Variants in PDE4D observed in about 807,000 individuals in gnomAD.
PDE4D encodes the protein 3',5'-cyclic-AMP phosphodiesterase 4D.
PDE4D carries 24 observed loss-of-function variants against 87.4 expected under a neutral mutation model. That is an observed-to-expected ratio of 0.27 (90% confidence interval 0.20 to 0.39). The LOEUF is 0.39. Ranked by LOEUF, PDE4D falls within the 10% of genes least tolerant of loss-of-function variation. The probability of loss-of-function intolerance (pLI) is 1.00; values close to 1 mark genes in which losing one functional copy is unlikely to be tolerated. For synonymous variants in PDE4D, 384 were observed against 383.2 expected (o/e 1.00, Z -0.02); for missense variants, 714 against 1,041.0 (o/e 0.69, Z 4.32).
intron 1 of PDE4D, among the ~76,000 whole-genome samples, chr5:60,371,204 G>A (rs1272850473): frequency 6.6e-6 from 1 of 152,166 alleles, no homozygotes; most frequent in Non-Finnish European, 1.5e-5. Flanking sequence ...GTTGCACTAC[G>A]CGAATGGCCT....
chr5:59,961,223 G>C (rs553231952), intron 3 of PDE4D, among the ~76,000 whole-genome samples: 4 of 151,620 alleles, frequency 2.6e-5, no homozygotes, highest in Non-Finnish European at 5.9e-5. Flanking sequence ...ATTAGGGTGA[G>C]CTACAAGTCC....
At chr5:59,800,625 C>G (rs1199335607) in intron 1 of PDE4D, among the ~76,000 whole-genome samples, 1 of 151,988 alleles carries the variant, frequency 6.6e-6, no homozygotes. Flanking sequence ...ACCCCTACCC[C>G]CCTACTATCC....
intron 1 of PDE4D, among the ~76,000 whole-genome samples, chr5:59,671,441 A>T (rs564176414): frequency 1.3e-4 from 20 of 152,334 alleles, no homozygotes; most frequent in South Asian, 6.2e-4. Context: ...GGAGTTAATA[A>T]AGAAAACAAT....
intron 1 of PDE4D, among the ~76,000 whole-genome samples, chr5:59,892,595 T>C (rs551208361): frequency 6.6e-6 from 1 of 152,258 alleles, no homozygotes; most frequent in Non-Finnish European, 1.5e-5. Context: ...TTCAATTTAC[T>C]TCTCCACCTG....
intron 3 of PDE4D, among the ~76,000 whole-genome samples, chr5:59,930,169 A>G (rs1196163744): frequency 6.6e-6 from 1 of 151,250 alleles, no homozygotes; most frequent in Non-Finnish European, 1.5e-5. Context: ...TCTCCAAAAA[A>G]AAAAAAAAAA....
At chr5:59,136,696 C>T (rs1048114065) in intron 5 of PDE4D, among the ~76,000 whole-genome samples, 3 of 152,116 alleles carry the variant, frequency 2.0e-5, no homozygotes, top group Non-Finnish European at 4.4e-5. Context: ...ACACTTTACT[C>T]CCGACAGTCA....
At chr5:59,303,619 A>T (rs1252657138) in intron 1 of PDE4D, among the ~76,000 whole-genome samples, 1 of 152,086 alleles carries the variant, frequency 6.6e-6, no homozygotes, top group Non-Finnish European at 1.5e-5. Context: ...CTAGCCAATT[A>T]TCTCAGCACC....
In PDE4D at chr5:60,001,726, G is replaced by A. The variant is rs1012094947; in HGVS notation, c.43-13009C>T. On this transcript the variant is annotated intron_variant, in intron 2 of 16. Transcript: ENST00000502484. The stretch of plus-strand genomic sequence containing the variant: ...TAATGGATATGCAATACAAAAAGAT[G>A]CAAAGCATGACATCAGTAGCACAAA... Among the ~76,000 whole-genome samples, 7 of 152,120 alleles carry A rather than the reference G, an allele frequency of 4.6e-5. No individual in the cohort carries two copies. The East Asian group carries it at 1.4e-3, about 29-fold the overall frequency.
In PDE4D at chr5:60,468,374, A is replaced by C. The variant is rs1412019466; in HGVS notation, c.-90+19568T>G. Among the ~76,000 whole-genome samples, 11 of 151,960 alleles carry C rather than the reference A, an allele frequency of 7.2e-5. No individual in the cohort carries two copies. In the East Asian group the frequency reaches 2.1e-3, roughly 29 times the overall value. ...GGATGGTCTTGAACTCCTGAGTTCAAACAACCCACCTGCCTCAGCATCCCA... is the reference window on the plus strand; with the variant it reads ...GGATGGTCTTGAACTCCTGAGTTCACACAACCCACCTGCCTCAGCATCCCA... On this transcript the variant is annotated intron_variant, in intron 1 of 16. Coordinates refer to the PDE4D transcript ENST00000502484.
chr5:60,358,572 A>C (rs2149947669), intron 1 of PDE4D, among the ~76,000 whole-genome samples: 1 of 152,248 alleles, frequency 6.6e-6, no homozygotes, highest in East Asian at 1.9e-4. Flanking sequence ...AAGGCACTTT[A>C]CAGGACAGCC....
intron 2 of PDE4D, among the ~76,000 whole-genome samples, chr5:60,068,320 T>C (rs1177009125): frequency 1.3e-5 from 2 of 152,192 alleles, no homozygotes; most frequent in Non-Finnish European, 2.9e-5. Flanking sequence ...TCCTGGATGA[T>C]TAGTGACACT....
chr5:59,680,191 C>G (rs567720318), intron 1 of PDE4D, among the ~76,000 whole-genome samples: 1 of 152,160 alleles, frequency 6.6e-6, no homozygotes, highest in South Asian at 2.1e-4. Flanking sequence ...TACAAATAAC[C>G]AGATATGAAG....
At chr5:59,437,682 T>C (rs1407263550) in intron 1 of PDE4D, among the ~76,000 whole-genome samples, 3 of 151,632 alleles carry the variant, frequency 2.0e-5, no homozygotes, top group Non-Finnish European at 4.4e-5. Flanking sequence ...ACACAAGAAG[T>C]AGATGGCATA....
At chr5:59,466,356 T>C (rs1294999915) in intron 1 of PDE4D, among the ~76,000 whole-genome samples, 1 of 152,226 alleles carries the variant, frequency 6.6e-6, no homozygotes, top group Non-Finnish European at 1.5e-5. Flanking sequence ...TCCAAAAACC[T>C]GCCTCTAGTT....
intron 1 of PDE4D, among the ~76,000 whole-genome samples, chr5:60,340,825 C>A (rs750996903): frequency 5.9e-5 from 9 of 152,060 alleles, no homozygotes; most frequent in Non-Finnish European, 1.3e-4. Flanking sequence ...GGACATTGTC[C>A]TCAGAAAGGG....
At chr5:59,449,422 C>T (rs982307418) in intron 1 of PDE4D, among the ~76,000 whole-genome samples, 3 of 152,168 alleles carry the variant, frequency 2.0e-5, no homozygotes, top group South Asian at 2.1e-4. Flanking sequence ...CTTCTAACGT[C>T]GTTATAAAAC....
chr5:59,999,436 AAGG>A (rs1297991948), intron 2 of PDE4D, among the ~76,000 whole-genome samples: 1 of 151,752 alleles, frequency 6.6e-6, no homozygotes, highest in Non-Finnish European at 1.5e-5. Context: ...CCAGACGGAG[AAGG>A]AGATTAAAAG....
chr5:60,037,339 C>G (rs879895650), intron 2 of PDE4D, among the ~76,000 whole-genome samples: 16 of 151,994 alleles, frequency 1.1e-4, no homozygotes, highest in Non-Finnish European at 2.1e-4. Flanking sequence ...AAAGGATGAG[C>G]ATTTTTTTTA....
intron 1 of PDE4D, among the ~76,000 whole-genome samples, chr5:60,233,174 C>T (rs1200401850): frequency 2.0e-5 from 3 of 149,764 alleles, no homozygotes; most frequent in African/African-American, 7.4e-5. Context: ...AGAAAGAGGT[C>T]GTTGTCACAC....
Sources: gnomAD v4.1 joint callset for allele counts (sites outside exome capture counted in the v4.1 genomes callset) on GRCh38, gnomAD v4.1.1 for gene constraint, MANE v1.5 for transcripts, NCBI Gene and HGNC (gene_info 2026-07-23, HGNC 2026-07-21) for gene names.